MYO16: variants seen among roughly 807,000 people sequenced by gnomAD.
The protein encoded by MYO16 is myosin XVI.
In MYO16, 94 loss-of-function variants were observed where a neutral mutation model predicts 205.3. That is an observed-to-expected ratio of 0.46 (90% confidence interval 0.39 to 0.54). MYO16 has a LOEUF of 0.54. Among genes scored for constraint, MYO16 ranks in the 20% least tolerant of loss-of-function variants. The probability of loss-of-function intolerance (pLI) is 0.00; values close to 1 mark genes in which losing one functional copy is unlikely to be tolerated. For synonymous variants in MYO16, 988 were observed against 954.0 expected, an observed-to-expected ratio of 1.04 and a Z score of -0.66; for missense variants, 2,315 against 2,387.5, an observed-to-expected ratio of 0.97 and a Z score of 0.63.
chr13:109,029,057 C>T (rs1434101877), intron 23 of MYO16, among the ~76,000 whole-genome samples: 1 of 149,294 alleles, frequency 6.7e-6, no homozygotes, highest in Non-Finnish European at 1.5e-5. Flanking sequence ...GCAGTCGATT[C>T]TAGATGATCT....
intron 32 of MYO16, among the ~76,000 whole-genome samples, chr13:109,147,434 G>A (rs1054002348): frequency 2.0e-5 from 3 of 152,134 alleles, no homozygotes; most frequent in African/African-American, 7.2e-5. Flanking sequence ...CTCTGCTCCT[G>A]ATGTTTGAAA....
chr13:109,204,816 G>T (rs774986151), intron 34 of MYO16, among the ~76,000 whole-genome samples: 1 of 152,132 alleles, frequency 6.6e-6, no homozygotes, highest in Non-Finnish European at 1.5e-5. Flanking sequence ...CAACATAGAA[G>T]TACCCACTTT....
chr13:109,116,122 G>GTAGT (rs1475087220), intron 28 of MYO16, among the ~76,000 whole-genome samples: 4 of 152,144 alleles, frequency 2.6e-5, no homozygotes, highest in Admixed American at 2.0e-4. Flanking sequence ...ATATGCCCAA[G>GTAGT]TAGTTGATTG....
chr13:108,779,630 TA>T (rs2138905256), intron 4 of MYO16: 1 of 152,256 alleles, frequency 6.6e-6, no homozygotes, highest in African/African-American at 2.4e-5. Context: ...GCTGGGAGGC[TA>T]ATATAAATGG....
At position 108,885,142 on chromosome 13, in the gene MYO16, G is replaced by T. The variant is rs146770582; in HGVS notation, c.1553+1956G>T. Among the ~76,000 whole-genome samples the T allele has an allele frequency of 2.6e-5, 4 of 152,194 alleles. No individual in the cohort carries two copies. In the East Asian group the frequency reaches 5.8e-4, roughly 22 times the overall value. ...TTCCACCCATTCTTTCTTTTGATACGGAGTTTCGTTCTTGTTGCCCAGGCT... is the reference window on the plus strand; with the variant it reads ...TTCCACCCATTCTTTCTTTTGATACTGAGTTTCGTTCTTGTTGCCCAGGCT... On this transcript the variant is annotated intron_variant, in intron 13 of 34. Coordinates refer to ENST00000457511, the MANE Select transcript of MYO16 (RefSeq NM_001198950.3).
chr13:109,189,867 T>TATTCTGCCTTC (rs1879836123), intron 34 of MYO16, among the ~76,000 whole-genome samples: 1 of 152,192 alleles, frequency 6.6e-6, no homozygotes, highest in Admixed American at 6.5e-5. Context: ...AGCATGCCAT[T>TATTCTGCCTTC]ATTCTGCCTT....
the MYO16 span, among the ~76,000 whole-genome samples, chr13:108,578,607 C>A: frequency 6.6e-6 from 1 of 152,150 alleles, no homozygotes; most frequent in Admixed American, 6.6e-5. Context: ...GCCAGGGGTC[C>A]CACTCTTCCC....
At chr13:108,803,406 A>G (rs1476809621) in intron 6 of MYO16, among the ~76,000 whole-genome samples, 1 of 152,220 alleles carries the variant, frequency 6.6e-6, no homozygotes, top group Non-Finnish European at 1.5e-5. Context: ...TTGGTAGTCC[A>G]CAGTATGTTT....
chr13:108,713,783 T>C (rs1044618072), intron 3 of MYO16, among the ~76,000 whole-genome samples: 1 of 152,192 alleles, frequency 6.6e-6, no homozygotes, highest in African/African-American at 2.4e-5. Context: ...CCAAAGAATA[T>C]AGGCGTTTTC....
intron 27 of MYO16, among the ~76,000 whole-genome samples, chr13:109,098,960 T>A (rs1888866313): frequency 6.6e-6 from 1 of 152,190 alleles, no homozygotes; most frequent in African/African-American, 2.4e-5. Context: ...CCATTCCAAT[T>A]TTCTTCAAAT....
chr13:108,998,321 G>A (rs1469103280), intron 21 of MYO16, among the ~76,000 whole-genome samples: 2 of 152,094 alleles, frequency 1.3e-5, no homozygotes, highest in African/African-American at 4.8e-5. Flanking sequence ...CAGTAATCTA[G>A]GATTCATTCA....
At chr13:108,954,055 G>A (rs1480793204) in intron 16 of MYO16, among the ~76,000 whole-genome samples, 3 of 152,134 alleles carry the variant, frequency 2.0e-5, no homozygotes, top group African/African-American at 4.8e-5. Flanking sequence ...ACAGGGCTTC[G>A]TCTACCCAGA....
At chr13:108,673,051 G>T (rs1426604781) in intron 2 of MYO16, among the ~76,000 whole-genome samples, 2 of 151,144 alleles carry the variant, frequency 1.3e-5, no homozygotes, top group Non-Finnish European at 3.0e-5. Context: ...AAGTAGGTAG[G>T]TCATGCACCC....
At chr13:108,951,924 C>T (rs1156991856) in intron 16 of MYO16, among the ~76,000 whole-genome samples, 4 of 151,956 alleles carry the variant, frequency 2.6e-5, no homozygotes, top group African/African-American at 7.3e-5. Flanking sequence ...GCCAACATGG[C>T]GAAATGCCAT....
chr13:108,548,898 C>T, the MYO16 span, among the ~76,000 whole-genome samples: 7 of 152,018 alleles, frequency 4.6e-5, no homozygotes, highest in African/African-American at 1.7e-4. Flanking sequence ...TCCTTGTGCA[C>T]AATTAATGAG....
At position 109,162,988 on chromosome 13, in the gene MYO16, T is replaced by G. The variant is rs1878457538; in HGVS notation, c.5165-1913T>G. Reference sequence around the variant, plus strand: ...TCACTTTTGTTGCCATTCTTGTACATGCTAACTTGACTGAAGGTCTTTGTT... The same window carrying G: ...TCACTTTTGTTGCCATTCTTGTACAGGCTAACTTGACTGAAGGTCTTTGTT... On this transcript the variant is annotated intron_variant, in intron 32 of 34. Transcript: ENST00000457511. The surrounding 1 kb of genome is among the most constrained non-coding windows in gnomAD (Gnocchi z 4.6). 2.0e-5 allele frequency among the ~76,000 whole-genome samples: 3 copies of G among 152,248 alleles called. No homozygotes were observed. Among genetic ancestry groups the G allele is most frequent in the Admixed American group, 1.3e-4 (2 of 15,288 alleles).
chr13:108,635,581 A>G (rs1342319987), intron 1 of MYO16, among the ~76,000 whole-genome samples: 3 of 151,644 alleles, frequency 2.0e-5, no homozygotes, highest in Non-Finnish European at 1.5e-5. Flanking sequence ...GCTCACTGCA[A>G]CCTCTGCCTC....
At chr13:109,059,532 CAT>C (rs1347596487) in intron 27 of MYO16, among the ~76,000 whole-genome samples, 11 of 152,026 alleles carry the variant, frequency 7.2e-5, no homozygotes, top group Admixed American at 1.3e-4. Context: ...TGCTTTTTTT[CAT>C]ATGTTTGTTG....
intron 29 of MYO16, among the ~76,000 whole-genome samples, chr13:109,123,566 T>C (rs1281573084): frequency 6.6e-6 from 1 of 152,192 alleles, no homozygotes; most frequent in Non-Finnish European, 1.5e-5. Flanking sequence ...ACATTTTATA[T>C]TCCTGGAAGT....
Sources: allele counts gnomAD v4.1 joint callset (sites outside exome capture counted in the v4.1 genomes callset), GRCh38; gene constraint gnomAD v4.1.1; non-coding constraint Gnocchi (gnomAD v3.1); transcripts MANE v1.5; gene names NCBI Gene and HGNC (gene_info 2026-07-23, HGNC 2026-07-21).